Variants in COL4A2 observed in about 807,000 individuals in gnomAD.
COL4A2 encodes collagen alpha-2(IV) chain.
In COL4A2, 99 loss-of-function variants were observed where a neutral mutation model predicts 200.2. The ratio of observed to expected loss-of-function variants is 0.49; its 90% CI spans 0.42 to 0.58. The LOEUF (loss-of-function observed/expected upper bound fraction) is 0.58, where lower values mean the gene tolerates loss of function less well. Ranked by LOEUF, COL4A2 falls within the 20% of genes least tolerant of loss-of-function variation. The pLI, the probability that COL4A2 is intolerant of heterozygous loss-of-function variation, is 0.00. For missense variants in COL4A2, 1,950 were observed against 2,314.1 expected (o/e 0.84, Z 3.23); for synonymous variants, 897 against 900.6 (o/e 1.00, Z 0.07).
chr13:110,444,074 G>A (rs1781398836), intron 16 of COL4A2, among the ~76,000 whole-genome samples: 1 of 152,188 alleles, frequency 6.6e-6, no homozygotes, highest in Admixed American at 6.5e-5. Context: ...TTAGCTCATT[G>A]CTTTGGCTCT....
chr13:110,506,546 T>C lies in COL4A2; in HGVS notation c.4534T>C (p.Trp1512Arg), dbSNP rs200314049. Residue 1512 changes from tryptophan to arginine, a missense_variant, in exon 46 of 48, where the codon TGG (tryptophan) becomes CGG (arginine). Physicochemically the swap from Trp to Arg is moderately radical, Grantham distance 101 (BLOSUM62 -3). This residue lies in a region of COL4A2 where 1,385 missense variants were observed against 1,720.5 expected (regional missense o/e 0.80). Coordinates refer to ENST00000360467, the MANE Select transcript of COL4A2 (RefSeq NM_001846.4). ...GTGCCCAGTGGGCATGAACAAACTC[T>C]GGAGTGGATACAGCCTGCTGTACTT... ...PMCPVGMNKL[W>R]SGYSLLYFEG... 2.6e-4 allele frequency: 416 copies of C among 1,613,274 alleles called. No homozygotes were observed. Among genetic ancestry groups the C allele is most frequent in the Non-Finnish European group, 3.4e-4 (404 of 1,179,836 alleles).
At chr13:110,356,125 A>G (rs1324681935) in intron 3 of COL4A2, among the ~76,000 whole-genome samples, 1 of 152,164 alleles carries the variant, frequency 6.6e-6, no homozygotes, top group Non-Finnish European at 1.5e-5. Flanking sequence ...TTTGATCTGA[A>G]TGTTGAGATC....
intron 21 of COL4A2, chr13:110,458,176 G>A (rs199637291): frequency 6.5e-5 from 30 of 465,072 alleles, no homozygotes; most frequent in African/African-American, 1.4e-4. Flanking sequence ...AGCAGGCACC[G>A]CAGGACCTGG....
intron 28 of COL4A2, among the ~76,000 whole-genome samples, chr13:110,470,005 T>A (rs1249845419): frequency 6.9e-6 from 1 of 144,948 alleles, no homozygotes; most frequent in Non-Finnish European, 1.5e-5. Context: ...ACCTCCGCCT[T>A]CTGGGTTCAA....
intron 4 of COL4A2, among the ~76,000 whole-genome samples, chr13:110,373,523 G>A (rs544029358): frequency 6.6e-6 from 1 of 152,316 alleles, no homozygotes; most frequent in South Asian, 2.1e-4. Flanking sequence ...ATTAGACTTA[G>A]GTAAAACTTA....
intron 20 of COL4A2, chr13:110,456,988 G>A (rs879106986): frequency 1.3e-5 from 5 of 385,634 alleles, no homozygotes; most frequent in South Asian, 3.4e-5. Flanking sequence ...CATGCCCTGC[G>A]TCTGCGTGGG....
In COL4A2 at chr13:110,316,474, G is replaced by T. The variant is rs530137046; in HGVS notation, c.99+8351G>T. Among the ~76,000 whole-genome samples the T allele has an allele frequency of 1.4e-3, 219 of 152,262 alleles. 1 individual carries two copies. The Middle Eastern group carries it at 0.027, about 19-fold the overall frequency. The stretch of plus-strand genomic sequence containing the variant: ...AGCCACCAGCCCGGCCCTCCTTCCC[G>T]CTCTGTCCTCCCCGCCTTCCAGTGA... On this transcript the variant is annotated intron_variant, in intron 3 of 47. Transcript: ENST00000360467.
chr13:110,396,461 T>C (rs1419887391), intron 4 of COL4A2, among the ~76,000 whole-genome samples: 1 of 152,172 alleles, frequency 6.6e-6, no homozygotes, highest in Non-Finnish European at 1.5e-5. Context: ...GCCCTCTGGG[T>C]TGAATCACCC....
chr13:110,316,047 A>C (rs761616837), intron 3 of COL4A2, among the ~76,000 whole-genome samples: 15 of 152,336 alleles, frequency 9.8e-5, no homozygotes, highest in Admixed American at 3.3e-4. Context: ...ATCATGGATC[A>C]GTCTGAAAGA....
In COL4A2 at chr13:110,474,703, GTACACTCACATGATCACA is replaced by G. The variant is rs1882618658; in HGVS notation, c.2425+1554_2425+1571del. On this transcript the variant is annotated intron_variant, in intron 29 of 47. Transcript: ENST00000360467. The stretch of plus-strand genomic sequence containing the variant: ...CACACGTACCCACACACGTGCCTGT[GTACACTCACATGATCACA>G]CACGCACGTACCCACACACGTGCCG... Among the ~76,000 whole-genome samples, 2 of 106,888 alleles carry G rather than the reference GTACACTCACATGATCACA, an allele frequency of 1.9e-5. 1 individual carries two copies. The highest frequency in any genetic ancestry group is 5.9e-4 in the East Asian group (2 of 3,364). The allele number at this position is 106,888 out of a possible 152,430, so 70.1% of individuals were successfully genotyped here.
chr13:110,512,370 G>A lies in COL4A2; in HGVS notation c.*179G>A, dbSNP rs995941964. 5 of 1,107,412 alleles carry A rather than the reference G, an allele frequency of 4.5e-6. No individual in the cohort carries two copies. The highest frequency in any genetic ancestry group is 2.9e-5 in the Admixed American group (1 of 34,174). The allele number at this position is 1,107,412 out of a possible 1,614,324, so 68.6% of individuals were successfully genotyped here. A position where few individuals can be genotyped will look rare whatever the true frequency, so the allele number is the denominator to read the frequency against. ...TGTCACCGAGCGGGTGCAAGCACTC[G>A]GGGTCCCTGGAGGGCAAGCCCTGCC... On this transcript the variant is annotated 3_prime_UTR_variant, in exon 48 of 48. Transcript: ENST00000360467.
intron 3 of COL4A2, among the ~76,000 whole-genome samples, chr13:110,309,251 T>G (rs1884905926): frequency 6.6e-6 from 1 of 152,214 alleles, no homozygotes; most frequent in African/African-American, 2.4e-5. Flanking sequence ...TGGTTCCGGT[T>G]CAAAGCTCGG....
In COL4A2 at chr13:110,437,915, T is replaced by C. The variant is rs1457264175; in HGVS notation, c.826-87T>C. 2.8e-6 allele frequency: 3 copies of C among 1,054,092 alleles called. No homozygotes were observed. The African/African-American group carries it at 4.7e-5, about 17-fold the overall frequency. 65.3% of individuals were successfully genotyped at this position (1,054,092 alleles called of 1,614,324 possible). On this transcript the variant is annotated intron_variant, in intron 13 of 47. Coordinates refer to ENST00000360467, the MANE Select transcript of COL4A2 (RefSeq NM_001846.4). Reference sequence around the variant, plus strand: ...TTGTGTGAGGATTGATTCAGTACTTTCAGCTCATGTCATGAACCCTGATTG... The same window carrying C: ...TTGTGTGAGGATTGATTCAGTACTTCCAGCTCATGTCATGAACCCTGATTG...
intron 3 of COL4A2, among the ~76,000 whole-genome samples, chr13:110,318,629 G>A (rs1000663004): frequency 5.3e-5 from 8 of 152,166 alleles, no homozygotes; most frequent in African/African-American, 1.2e-4. Flanking sequence ...ATGTTGGTGC[G>A]AGTATTCAAC....
chr13:110,356,783 T>C (rs1415316874), intron 3 of COL4A2, among the ~76,000 whole-genome samples: 4 of 151,956 alleles, frequency 2.6e-5, no homozygotes. Flanking sequence ...TTTTTTTTTT[T>C]TTTGAGACAG....
chr13:110,436,183 A>G, intron 12 of COL4A2, 86 bp from the exon 13 acceptor site: 3 of 1,581,610 alleles, frequency 1.9e-6, no homozygotes, highest in Non-Finnish European at 1.7e-6. Context: ...TTAAAACTGC[A>G]GTATTTTGGC....
intron 41 of COL4A2, chr13:110,502,660 C>G (rs1478986989): frequency 6.5e-6 from 1 of 154,468 alleles, no homozygotes; most frequent in African/African-American, 2.4e-5. Flanking sequence ...CTCTTATCAC[C>G]TGCTACCACC....
At chr13:110,501,000 G>A (rs1031504835) in intron 40 of COL4A2, among the ~76,000 whole-genome samples, 2 of 152,200 alleles carry the variant, frequency 1.3e-5, no homozygotes, top group Non-Finnish European at 2.9e-5. Flanking sequence ...ACAAGGACAC[G>A]TGTGTACAGT....
intron 18 of COL4A2, among the ~76,000 whole-genome samples, chr13:110,448,115 C>T (rs942494960): frequency 6.6e-5 from 10 of 152,106 alleles, no homozygotes; most frequent in Admixed American, 1.3e-4. Flanking sequence ...TCATCCATGG[C>T]GCACACCTGG....
Sources: gnomAD v4.1 joint callset for allele counts (sites outside exome capture counted in the v4.1 genomes callset) on GRCh38, gnomAD v4.1.1 for gene constraint, gnomAD v4.1.1 regional missense constraint, MANE v1.5 for transcripts, NCBI Gene and HGNC (gene_info 2026-07-23, HGNC 2026-07-21) for gene names.